Variants in LDB2 observed in about 807,000 individuals in gnomAD.
The protein encoded by LDB2 is LIM domain-binding protein 2.
In LDB2, 12 loss-of-function variants were observed where a neutral mutation model predicts 44.3. The observed-to-expected ratio is 0.27, with a 90% CI of 0.17 to 0.44. LDB2 has a LOEUF of 0.44. LDB2 is among the 20% of genes least tolerant of loss of function. The probability of loss-of-function intolerance (pLI) is 1.00; values close to 1 mark genes in which losing one functional copy is unlikely to be tolerated. For synonymous variants in LDB2, 164 were observed against 174.8 expected, an observed-to-expected ratio of 0.94 and a Z score of 0.49; for missense variants, 344 against 473.5, an observed-to-expected ratio of 0.73 and a Z score of 2.54.
At chr4:16,795,889 A>C (rs1454447367) in intron 1 of LDB2, among the ~76,000 whole-genome samples, 1 of 152,180 alleles carries the variant, frequency 6.6e-6, no homozygotes. Flanking sequence ...CCACTTAGCA[A>C]ATTGGATCCC....
chr4:16,743,222 G>A (rs1419373557), intron 2 of LDB2, among the ~76,000 whole-genome samples: 1 of 152,072 alleles, frequency 6.6e-6, no homozygotes, highest in Non-Finnish European at 1.5e-5. Flanking sequence ...CCCAGGAGGC[G>A]GAGTTTGCAG....
intron 1 of LDB2, among the ~76,000 whole-genome samples, chr4:16,875,657 G>A (rs904690895): frequency 2.6e-5 from 4 of 152,176 alleles, no homozygotes; most frequent in South Asian, 2.1e-4. Context: ...GAGGCATGAC[G>A]GTTATTCTCA....
chr4:16,758,752 A>T (rs75935214), intron 2 of LDB2, among the ~76,000 whole-genome samples: 2,192 of 152,342 alleles, frequency 0.014, 47 homozygotes, highest in African/African-American at 0.05. Flanking sequence ...GGGGATTAGA[A>T]GGATGTGGCT....
chr4:16,583,839 G>T (rs1004885692), intron 5 of LDB2, among the ~76,000 whole-genome samples: 1 of 152,162 alleles, frequency 6.6e-6, no homozygotes. Context: ...CTCTGGCTTT[G>T]CATCTCCCTC....
intron 5 of LDB2, among the ~76,000 whole-genome samples, chr4:16,546,086 G>A (rs895025616): frequency 2.0e-5 from 3 of 152,148 alleles, no homozygotes; most frequent in Non-Finnish European, 4.4e-5. Context: ...TAATTGAAAT[G>A]AACTCTGGTA....
At chr4:16,538,020 G>T (rs1343126605) in intron 5 of LDB2, among the ~76,000 whole-genome samples, 1 of 152,192 alleles carries the variant, frequency 6.6e-6, no homozygotes, top group Non-Finnish European at 1.5e-5. Flanking sequence ...TTAAGCCAAG[G>T]TACTTGGGCA....
intron 5 of LDB2, among the ~76,000 whole-genome samples, chr4:16,551,932 A>ATTCT (rs1375656941): frequency 6.6e-6 from 1 of 152,160 alleles, no homozygotes; most frequent in Non-Finnish European, 1.5e-5. Flanking sequence ...TCCTCTCTTC[A>ATTCT]TTCTTTTTAC....
chr4:16,766,041 C>T (rs1014142277), intron 1 of LDB2, among the ~76,000 whole-genome samples: 1 of 151,992 alleles, frequency 6.6e-6, no homozygotes, highest in African/African-American at 2.4e-5. Flanking sequence ...GACTCATGGG[C>T]CCATTACCCG....
chr4:16,652,438 G>T (rs1738546837), intron 2 of LDB2, among the ~76,000 whole-genome samples: 3 of 152,180 alleles, frequency 2.0e-5, no homozygotes, highest in African/African-American at 7.2e-5. Flanking sequence ...CAAAGACAAA[G>T]CTTAGTTGCC....
intron 2 of LDB2, among the ~76,000 whole-genome samples, chr4:16,702,005 A>G (rs780644702): frequency 2.0e-5 from 3 of 152,070 alleles, no homozygotes; most frequent in Admixed American, 2.0e-4. Context: ...TGCTTTTTCT[A>G]TTACTATGAA....
chr4:16,836,053 C>A (rs904752974), intron 1 of LDB2, among the ~76,000 whole-genome samples: 1 of 152,214 alleles, frequency 6.6e-6, no homozygotes, highest in African/African-American at 2.4e-5. Context: ...TAGAAATGCA[C>A]AAACTGGTTG....
chr4:16,565,058 A>AT (rs915762655), intron 5 of LDB2, among the ~76,000 whole-genome samples: 36 of 151,778 alleles, frequency 2.4e-4, no homozygotes, highest in South Asian at 1.0e-3. Flanking sequence ...AAAGGAGTGG[A>AT]TTTTTTTTTA....
At chr4:16,765,222 T>G (rs1768938299) in intron 1 of LDB2, among the ~76,000 whole-genome samples, 1 of 152,128 alleles carries the variant, frequency 6.6e-6, no homozygotes, top group Non-Finnish European at 1.5e-5. Context: ...GAAAAAACAT[T>G]CTTACCACAC....
chr4:16,672,897 T>TC, intron 2 of LDB2, among the ~76,000 whole-genome samples: 1 of 149,818 alleles, frequency 6.7e-6, no homozygotes, highest in Non-Finnish European at 1.5e-5. Context: ...TTTTTTTCCT[T>TC]CCCCCTCTCC....
chr4:16,898,527 A>T lies in LDB2; in HGVS notation c.-42T>A. 1 of 1,609,212 alleles carries T rather than the reference A, an allele frequency of 6.2e-7. No homozygotes were observed. Among genetic ancestry groups the T allele is most frequent in the Non-Finnish European group, 8.5e-7 (1 of 1,177,034 alleles). On this transcript the variant is annotated 5_prime_UTR_variant, in exon 1 of 8. The change creates a premature stop within an existing upstream ORF in the 5' untranslated region. Coordinates refer to ENST00000304523, the MANE Select transcript of LDB2 (RefSeq NM_001290.5). ...AAATCAAGCTAAACAGAGTATCAGT[A>T]ACGTCCATGCAGAGCACATGGGCTG... is the stretch of plus-strand genomic sequence containing the variant.
chr4:16,614,594 A>C (rs1344921713), intron 2 of LDB2, among the ~76,000 whole-genome samples: 120 of 151,550 alleles, frequency 7.9e-4, no homozygotes, highest in African/African-American at 2.5e-3. Context: ...AAAAAAAAAA[A>C]AAAAAAACAA....
chr4:16,751,288 C>T (rs1289823733), intron 2 of LDB2, among the ~76,000 whole-genome samples: 1 of 152,132 alleles, frequency 6.6e-6, no homozygotes, highest in Non-Finnish European at 1.5e-5. Context: ...AAAAACATAC[C>T]ATATCTGAAA....
intron 2 of LDB2, among the ~76,000 whole-genome samples, chr4:16,734,518 C>T (rs1188443350): frequency 6.6e-6 from 1 of 152,050 alleles, no homozygotes; most frequent in African/African-American, 2.4e-5. Flanking sequence ...AACATAGTTG[C>T]ACTGCTGATC....
intron 5 of LDB2, among the ~76,000 whole-genome samples, chr4:16,566,123 T>G (rs77217416): frequency 0.027 from 4,110 of 152,094 alleles, 92 homozygotes; most frequent in Middle Eastern, 0.045. Flanking sequence ...CATAAATTTG[T>G]AAATTTAACC....
Sources: gnomAD v4.1 joint callset for allele counts (sites outside exome capture counted in the v4.1 genomes callset) on GRCh38, gnomAD v4.1.1 for gene constraint, MANE v1.5 for transcripts, NCBI Gene and HGNC (gene_info 2026-07-23, HGNC 2026-07-21) for gene names.